The following CFAP20DC variants were observed in gnomAD, a reference collection of about 807,000 sequenced individuals.
CFAP20DC encodes the protein CFAP20 domain containing, also known as protein CFAP20DC.
Under a neutral mutation model 101.7 loss-of-function variants are expected in CFAP20DC, and 84 were observed. That is an observed-to-expected ratio of 0.83 (90% CI 0.69 to 0.99). The LOEUF is 0.99. CFAP20DC is among the 50% of genes least tolerant of loss of function. The pLI, the probability that CFAP20DC is intolerant of heterozygous loss-of-function variation, is 0.00. For missense variants in CFAP20DC, 1,007 were observed against 970.3 expected, an observed-to-expected ratio of 1.04 and a Z score of -0.50; for synonymous variants, 359 against 351.2, an observed-to-expected ratio of 1.02 and a Z score of -0.25.
At chr3:58,896,043 C>T (rs1243669347) in intron 6 of CFAP20DC, among the ~76,000 whole-genome samples, 4 of 152,182 alleles carry the variant, frequency 2.6e-5, no homozygotes, top group Non-Finnish European at 5.9e-5. Context: ...GGGACACAGC[C>T]AATCCGTATC....
At chr3:58,809,272 C>A (rs1216784138) in intron 14 of CFAP20DC, among the ~76,000 whole-genome samples, 4 of 152,022 alleles carry the variant, frequency 2.6e-5, no homozygotes, top group African/African-American at 9.7e-5. Flanking sequence ...CCACACCACA[C>A]CTATTCCAAA....
intron 15 of CFAP20DC, among the ~76,000 whole-genome samples, chr3:58,759,423 T>G (rs2069308206): frequency 6.6e-6 from 1 of 152,232 alleles, no homozygotes; most frequent in African/African-American, 2.4e-5. Context: ...CATTGTAGAT[T>G]CTGGATATTA....
rs1470197644 is a variant in CFAP20DC, at chr3:58,892,571, A to C, written c.551-7862T>G. Among the ~76,000 whole-genome samples the C allele has an allele frequency of 6.6e-6, 1 of 152,024 alleles. No individual in the cohort carries two copies. The highest frequency in any genetic ancestry group is 1.5e-5 in the Non-Finnish European group (1 of 68,004). ...CAATTCCTTTGTTAATTGTATTCCT[A>C]GATATTTTATTCTTTTTGTGGCAAT... On this transcript the variant is annotated intron_variant, in intron 6 of 16. Coordinates refer to ENST00000482387, the MANE Select transcript of CFAP20DC (RefSeq NM_001394063.1). This position sits in a 1 kb window ranked among gnomAD's most constrained non-coding sequence, Gnocchi z 4.0.
At chr3:59,018,544 C>A (rs1227411190) in intron 4 of CFAP20DC, 1 of 152,088 alleles carries the variant, frequency 6.6e-6, no homozygotes, top group African/African-American at 2.4e-5. Context: ...TAGTACATTT[C>A]ACCAAAGATG....
At position 58,863,506 on chromosome 3, in the gene CFAP20DC, AGCTAAGGAAACAACTGT is replaced by A. The variant is rs748441249; in HGVS notation, c.1593+35_1593+51del. 199 of 1,600,338 alleles carry A rather than the reference AGCTAAGGAAACAACTGT, an allele frequency of 1.2e-4. No individual in the cohort carries two copies. In the East Asian group the frequency reaches 3.8e-3, roughly 31 times the overall value. Reference sequence around the variant, plus strand: ...TTCAACTTGTTTTAGTGCTTATTGGAGCTAAGGAAACAACTGTGCTTCAAGACTACTTCACTTATCAA... The same window carrying A: ...TTCAACTTGTTTTAGTGCTTATTGGAGCTTCAAGACTACTTCACTTATCAA... On this transcript the variant is annotated intron_variant, in intron 12 of 16. Transcript: ENST00000482387. This position sits in a 1 kb window ranked among gnomAD's most constrained non-coding sequence, Gnocchi z 5.9.
intron 15 of CFAP20DC, among the ~76,000 whole-genome samples, chr3:58,802,077 G>A (rs1009023900): frequency 6.6e-6 from 1 of 152,068 alleles, no homozygotes; most frequent in African/African-American, 2.4e-5. Context: ...CATTTGAAAC[G>A]AAAGACTGGT....
intron 5 of CFAP20DC, among the ~76,000 whole-genome samples, chr3:58,931,454 C>G (rs1422087504): frequency 1.3e-5 from 2 of 151,658 alleles, no homozygotes; most frequent in South Asian, 2.1e-4. Context: ...GATCTAAGAA[C>G]GGGCAGACTG....
rs978689531 is a variant in CFAP20DC, at chr3:58,729,017, A to G, written c.198-11389T>C. ...ATTTCTCTGAAGGAAGCCAACCACA[A>G]TGTTTCATAGTCACTCAGTCATATG... On this transcript the variant is annotated intron_variant, in intron 3 of 3. Coordinates refer to the CFAP20DC transcript ENST00000486145. The surrounding 1 kb of genome is among the most constrained non-coding windows in gnomAD (Gnocchi z 4.4). 2.6e-5 allele frequency among the ~76,000 whole-genome samples: 4 copies of G among 152,302 alleles called. No individual in the cohort carries two copies. The East Asian group carries it at 5.8e-4, about 22-fold the overall frequency.
downstream of CFAP20DC, chr3:58,737,348 C>T (rs749337101): frequency 4.9e-5 from 20 of 409,896 alleles, no homozygotes; most frequent in Non-Finnish European, 9.7e-5. The surrounding 1 kb of genome is among the most constrained non-coding windows in gnomAD (Gnocchi z 4.1). Flanking sequence ...ACCCAACTAA[C>T]CAAACAAGCA....
intron 14 of CFAP20DC, chr3:58,824,712 G>T (rs189705483): frequency 6.6e-6 from 1 of 152,094 alleles, no homozygotes; most frequent in Admixed American, 6.6e-5. Context: ...ATTTTGCCTC[G>T]TTATTCTCCG....
intron 15 of CFAP20DC, among the ~76,000 whole-genome samples, chr3:58,757,355 A>G (rs2069053808): frequency 6.6e-6 from 1 of 151,718 alleles, no homozygotes; most frequent in Admixed American, 6.6e-5. Context: ...GCATGTATGT[A>G]ATACACATGT....
chr3:58,896,489 T>G (rs1395284161), intron 6 of CFAP20DC, among the ~76,000 whole-genome samples: 1 of 152,202 alleles, frequency 6.6e-6, no homozygotes, highest in Non-Finnish European at 1.5e-5. Flanking sequence ...TGTTAACTTG[T>G]GATCTTTCTA....
chr3:59,019,191 G>C (rs1192025920), intron 4 of CFAP20DC: 1 of 151,996 alleles, frequency 6.6e-6, no homozygotes, highest in Non-Finnish European at 1.5e-5. Context: ...GAGCGAAAAA[G>C]CTGAAAACAA....
At position 58,717,378 on chromosome 3, in the gene CFAP20DC, G is replaced by A; in HGVS notation, c.*210C>T. On this transcript the variant is annotated 3_prime_UTR_variant, in exon 4 of 4. Transcript: ENST00000486145. This position sits in a 1 kb window ranked among gnomAD's most constrained non-coding sequence, Gnocchi z 4.1. ...CTGAATCTCAGGGCTTTGTGAAAAT[G>A]AAAATGTAATCTCTTTCCGCTCAAG... is the stretch of plus-strand genomic sequence containing the variant. The A allele has an allele frequency of 1.3e-5, 3 of 226,056 alleles. No homozygotes were observed. Among genetic ancestry groups the A allele is most frequent in the Non-Finnish European group, 2.7e-5 (3 of 110,668 alleles). The allele number at this position is 226,056 out of a possible 1,614,324, so 14.0% of individuals were successfully genotyped here.
At chr3:58,751,723 T>C (rs1396174645) in intron 16 of CFAP20DC, among the ~76,000 whole-genome samples, 1 of 152,120 alleles carries the variant, frequency 6.6e-6, no homozygotes, top group East Asian at 1.9e-4. Context: ...GATAAAAATA[T>C]AATGGCTGGG....
intron 15 of CFAP20DC, among the ~76,000 whole-genome samples, chr3:58,766,381 T>C (rs1055733216): frequency 1.3e-5 from 2 of 152,150 alleles, no homozygotes; most frequent in African/African-American, 4.8e-5. Flanking sequence ...TGCCAATTTT[T>C]CTCCTAAATA....
At chr3:58,827,628 C>T (rs2076131203) in intron 14 of CFAP20DC, among the ~76,000 whole-genome samples, 2 of 152,186 alleles carry the variant, frequency 1.3e-5, no homozygotes. Flanking sequence ...CATTCTTGAA[C>T]TTTGGCTTAA....
At chr3:58,762,637 G>A (rs570718914) in intron 15 of CFAP20DC, among the ~76,000 whole-genome samples, 3 of 152,262 alleles carry the variant, frequency 2.0e-5, no homozygotes, top group Middle Eastern at 3.4e-3. Context: ...TAGCCTTGAC[G>A]GTCTTTACAA....
chr3:58,990,129 T>C (rs1231046321), intron 4 of CFAP20DC, among the ~76,000 whole-genome samples: 1 of 152,176 alleles, frequency 6.6e-6, no homozygotes, highest in East Asian at 1.9e-4. Flanking sequence ...GGAAACACTC[T>C]GAACTGCAGT....
Sources: allele counts gnomAD v4.1 joint callset (sites outside exome capture counted in the v4.1 genomes callset), GRCh38; gene constraint gnomAD v4.1.1; non-coding constraint Gnocchi (gnomAD v3.1); transcripts MANE v1.5; gene names NCBI Gene and HGNC (gene_info 2026-07-23, HGNC 2026-07-21).